Variants in MRPL42 observed in about 807,000 individuals in gnomAD.
MRPL42 encodes mitochondrial ribosomal protein L42.
Under a neutral mutation model 17.9 loss-of-function variants are expected in MRPL42, and 17 were observed. The observed-to-expected ratio is 0.95, with a 90% CI of 0.65 to 1.42. The LOEUF (loss-of-function observed/expected upper bound fraction) is 1.42. MRPL42 is among the 40% of genes most tolerant of loss of function. The pLI is 0.00. For missense variants in MRPL42, 177 were observed against 175.2 expected (o/e 1.01, Z -0.06); for synonymous variants, 59 against 54.4 (o/e 1.08, Z -0.37).
At chr12:93,482,830 C>T (rs895686153) in intron 4 of MRPL42, among the ~76,000 whole-genome samples, 2 of 151,974 alleles carry the variant, frequency 1.3e-5, no homozygotes, top group African/African-American at 4.8e-5. Context: ...AAGCAGTCCT[C>T]TCACCTTGGC....
At chr12:93,481,716 T>G (rs549650822) in intron 4 of MRPL42, among the ~76,000 whole-genome samples, 1 of 152,166 alleles carries the variant, frequency 6.6e-6, no homozygotes. Context: ...CCTAGAGATA[T>G]TCTAATTACC....
At chr12:93,492,610 C>T (rs959466100) in intron 5 of MRPL42, among the ~76,000 whole-genome samples, 3 of 152,174 alleles carry the variant, frequency 2.0e-5, no homozygotes, top group Non-Finnish European at 4.4e-5. Context: ...AAACTTTTAT[C>T]AGACTCTCAA....
chr12:93,471,270 T>C (rs553122095), intron 2 of MRPL42, among the ~76,000 whole-genome samples: 1 of 152,200 alleles, frequency 6.6e-6, no homozygotes, highest in East Asian at 1.9e-4. Context: ...TTCAAGTGAT[T>C]CTCCTGCCTC....
chr12:93,467,741 C>G (rs144799422), intron 1 of MRPL42, among the ~76,000 whole-genome samples, 187 bp downstream of exon 1: 5 of 152,230 alleles, frequency 3.3e-5, no homozygotes, highest in Non-Finnish European at 7.3e-5. Flanking sequence ...ATAGCGCCCC[C>G]TTTGTTCCCT....
chr12:93,475,943 T>G (rs1409714383), intron 2 of MRPL42, among the ~76,000 whole-genome samples: 1 of 151,916 alleles, frequency 6.6e-6, no homozygotes. Context: ...ATCGCACCAC[T>G]GCACTCCAGC....
intron 5 of MRPL42, among the ~76,000 whole-genome samples, chr12:93,488,131 C>T (rs887130544): frequency 6.6e-6 from 1 of 152,186 alleles, no homozygotes; most frequent in Middle Eastern, 3.4e-3. Flanking sequence ...CCACTATGCC[C>T]AGCTAATTTT....
At chr12:93,484,971 C>CATATATATATATATATATAT in intron 4 of MRPL42, among the ~76,000 whole-genome samples, 1 of 33,592 alleles carries the variant, frequency 3.0e-5, no homozygotes, top group African/African-American at 1.0e-4. Flanking sequence ...AACACACACA[C>CATATATATATATATATATAT]ACACACACAT....
At chr12:93,494,681 A>C (rs1027079547) in intron 5 of MRPL42, among the ~76,000 whole-genome samples, 9 of 152,176 alleles carry the variant, frequency 5.9e-5, no homozygotes, top group African/African-American at 1.9e-4. Flanking sequence ...TGGATTTGGA[A>C]GTCATCATCA....
chr12:93,473,930 T>C (rs1370248500), intron 2 of MRPL42, among the ~76,000 whole-genome samples: 2 of 152,168 alleles, frequency 1.3e-5, no homozygotes, highest in Non-Finnish European at 2.9e-5. Context: ...GCAATCACTT[T>C]TTAATGTGTA....
At position 93,507,273 on chromosome 12, in the gene MRPL42, C is replaced by T. The variant is rs993516200; in HGVS notation, c.*6052C>T. On this transcript the variant is annotated 3_prime_UTR_variant, in exon 6 of 6. Transcript: ENST00000549982. ...ACTACTAAAACCATTAGATTGTTTC[C>T]TTGTTCCAGTTATGCATTCAGAGAC... 1 of 152,154 alleles carries T rather than the reference C, an allele frequency of 6.6e-6. No individual in the cohort carries two copies. The highest frequency in any genetic ancestry group is 1.5e-5 in the Non-Finnish European group (1 of 68,028). 9.4% of individuals were successfully genotyped at this position (152,154 alleles called of 1,614,324 possible).
chr12:93,501,326 A>C lies in MRPL42; in HGVS notation c.*105A>C, dbSNP rs1226956390. 4 of 628,826 alleles carry C rather than the reference A, an allele frequency of 6.4e-6. No homozygotes were observed. Among genetic ancestry groups the C allele is most frequent in the Non-Finnish European group, 1.0e-5 (4 of 400,104 alleles). 39.0% of individuals were successfully genotyped at this position (628,826 alleles called of 1,614,324 possible). A position where few individuals can be genotyped will look rare whatever the true frequency, so the allele number is the denominator to read the frequency against. On this transcript the variant is annotated 3_prime_UTR_variant, in exon 6 of 6. Coordinates refer to ENST00000549982, the MANE Select transcript of MRPL42 (RefSeq NM_014050.4). ...TATATAGTAAAGTAATAATGATAAA[A>C]TATCTTTTCATATATTAGAATGTGT...
At chr12:93,487,726 C>G in intron 5 of MRPL42, 66 bp downstream of exon 5, 1 of 1,352,494 alleles carries the variant, frequency 7.4e-7, no homozygotes, top group Non-Finnish European at 1.0e-6. Context: ...GATTTTCTTG[C>G]AATAACAAAC....
In MRPL42 at chr12:93,467,571, A is replaced by G. The variant is rs1191856466; in HGVS notation, c.-95+17A>G. Reference sequence around the variant, plus strand: ...GCCGTCAAGGTAACCGCTTCCCTCTACTCCTCCTGTCGAGGACTTCCTCGA... The same window carrying G: ...GCCGTCAAGGTAACCGCTTCCCTCTGCTCCTCCTGTCGAGGACTTCCTCGA... On this transcript the variant is annotated intron_variant, in intron 1 of 5. Transcript: ENST00000549982. 4 of 152,136 alleles carry G rather than the reference A, an allele frequency of 2.6e-5. No individual in the cohort carries two copies. The highest frequency in any genetic ancestry group is 5.9e-5 in the Non-Finnish European group (4 of 67,938). 9.4% of individuals were successfully genotyped at this position (152,136 alleles called of 1,614,324 possible). A position where few individuals can be genotyped will look rare whatever the true frequency, so the allele number is the denominator to read the frequency against.
chr12:93,484,979 C>CATATATATAT lies in MRPL42; in HGVS notation c.220-2478_220-2469dup, dbSNP rs4020795. On this transcript the variant is annotated intron_variant, in intron 4 of 5. Coordinates refer to ENST00000549982, the MANE Select transcript of MRPL42 (RefSeq NM_014050.4). ...TTTAAAAAACACACACACACACACA[C>CATATATATAT]ATATATATATATATATATATATATA... 1.1e-3 allele frequency among the ~76,000 whole-genome samples: 24 copies of CATATATATAT among 22,460 alleles called. 1 individual carries two copies. Among genetic ancestry groups the CATATATATAT allele is most frequent in the Non-Finnish European group, 1.8e-3 (17 of 9,396 alleles). 14.7% of individuals were successfully genotyped at this position (22,460 alleles called of 152,430 possible).
At position 93,515,894 on chromosome 12, in the gene MRPL42, AAG is replaced by A. The variant is rs1350447736; in HGVS notation, c.*14676_*14677del. 1.3e-5 allele frequency: 2 copies of A among 152,204 alleles called. No individual in the cohort carries two copies. The highest frequency in any genetic ancestry group is 1.3e-4 in the Admixed American group (2 of 15,286). The allele number at this position is 152,204 out of a possible 1,614,324, so 9.4% of individuals were successfully genotyped here. Reference sequence around the variant, plus strand: ...GTAATTTTGTCTAAGCACAGGCAAAAAGAGGGTCATGGTGCCATCCAGAAAAT... The same window carrying A: ...GTAATTTTGTCTAAGCACAGGCAAAAAGGGTCATGGTGCCATCCAGAAAAT... On this transcript the variant is annotated 3_prime_UTR_variant, in exon 6 of 6. Coordinates refer to ENST00000549982, the MANE Select transcript of MRPL42 (RefSeq NM_014050.4).
At chr12:93,494,379 G>C (rs1417832509) in intron 5 of MRPL42, among the ~76,000 whole-genome samples, 2 of 152,128 alleles carry the variant, frequency 1.3e-5, no homozygotes, top group Non-Finnish European at 2.9e-5. Flanking sequence ...GGTGACAAAT[G>C]GTCAAATCTA....
At chr12:93,474,881 A>G (rs1430607671) in intron 2 of MRPL42, among the ~76,000 whole-genome samples, 1 of 152,112 alleles carries the variant, frequency 6.6e-6, no homozygotes, top group African/African-American at 2.4e-5. Flanking sequence ...TGATCACCCA[A>G]GGTCAGGAGT....
At chr12:93,495,007 C>G (rs1045215431) in intron 5 of MRPL42, among the ~76,000 whole-genome samples, 3 of 152,142 alleles carry the variant, frequency 2.0e-5, no homozygotes, top group Non-Finnish European at 4.4e-5. Flanking sequence ...GGTGGAGCTT[C>G]GTGAAGTTCA....
intron 5 of MRPL42, among the ~76,000 whole-genome samples, chr12:93,491,902 G>T: frequency 6.6e-6 from 1 of 152,216 alleles, no homozygotes; most frequent in East Asian, 1.9e-4. Flanking sequence ...ATTCGCTTAG[G>T]ATAATGGCTT....
Sources: gnomAD v4.1 joint callset for allele counts (sites outside exome capture counted in the v4.1 genomes callset) on GRCh38, gnomAD v4.1.1 for gene constraint, MANE v1.5 for transcripts, NCBI Gene and HGNC (gene_info 2026-07-23, HGNC 2026-07-21) for gene names.